Variants in ARHGAP22 observed in about 807,000 individuals in gnomAD.
ARHGAP22 encodes Rho GTPase activating protein 22.
A neutral mutation model predicts 59.1 loss-of-function variants in ARHGAP22; 48 were observed. That is an observed-to-expected ratio of 0.81 (90% CI 0.64 to 1.03). ARHGAP22 has a LOEUF of 1.03. Ranked by LOEUF, ARHGAP22 falls within the 50% of genes least tolerant of loss-of-function variation. The pLI, the probability that ARHGAP22 is intolerant of heterozygous loss-of-function variation, is 0.00. For missense variants in ARHGAP22, 1,015 were observed against 958.7 expected, an observed-to-expected ratio of 1.06 and a Z score of -0.78; for synonymous variants, 445 against 416.4, an observed-to-expected ratio of 1.07 and a Z score of -0.84.
chr10:48,498,335 C>A (rs962621905), intron 3 of ARHGAP22, among the ~76,000 whole-genome samples: 1 of 152,128 alleles, frequency 6.6e-6, no homozygotes, highest in Non-Finnish European at 1.5e-5. Flanking sequence ...TGCTGGCGAA[C>A]AATGAAGGCC....
chr10:48,514,957 A>G (rs1263716248), intron 3 of ARHGAP22, among the ~76,000 whole-genome samples: 2 of 152,194 alleles, frequency 1.3e-5, no homozygotes, highest in Non-Finnish European at 2.9e-5. Flanking sequence ...TGAAGAAACA[A>G]TAAGAGAATT....
intron 1 of ARHGAP22, among the ~76,000 whole-genome samples, chr10:48,589,190 A>G (rs1249193798): frequency 2.0e-5 from 3 of 152,056 alleles, no homozygotes; most frequent in African/African-American, 7.2e-5. Context: ...TCCAACCTGA[A>G]TTGGATCTCA....
At chr10:48,572,791 C>T (rs1052248515) in intron 2 of ARHGAP22, among the ~76,000 whole-genome samples, 65 of 152,246 alleles carry the variant, frequency 4.3e-4, no homozygotes, top group African/African-American at 1.4e-3. Context: ...AATAAGATCT[C>T]CTTTCTAAAT....
rs143492408 is a variant in ARHGAP22 at position 48,601,325 on chromosome 10, T to G, written c.34+3438A>C. On this transcript the variant is annotated intron_variant, in intron 1 of 9. Coordinates refer to ENST00000249601, the MANE Select transcript of ARHGAP22 (RefSeq NM_021226.4). ...TGAGCAGGTATGAGGTCAGTTGACCTCTGGGCTGTGATTCCCTAACCACTT... is the reference window on the plus strand; with the variant it reads ...TGAGCAGGTATGAGGTCAGTTGACCGCTGGGCTGTGATTCCCTAACCACTT... Among the ~76,000 whole-genome samples, 28 of 152,322 alleles carry G rather than the reference T, an allele frequency of 1.8e-4. No homozygotes were observed. In the East Asian group the frequency reaches 2.7e-3, roughly 15 times the overall value.
intron 3 of ARHGAP22, 58 bp downstream of exon 3, chr10:48,555,405 C>A (rs895991348): frequency 1.3e-6 from 2 of 1,547,098 alleles, no homozygotes; most frequent in African/African-American, 1.4e-5. Flanking sequence ...CCTTCCCAGG[C>A]CAGGGGCATG....
intron 1 of ARHGAP22, among the ~76,000 whole-genome samples, chr10:48,636,822 T>G (rs866062419): frequency 3.3e-5 from 5 of 152,174 alleles, no homozygotes; most frequent in Non-Finnish European, 4.4e-5. Context: ...CCCAGAGTGC[T>G]GGGAGGGAAG....
At chr10:48,616,713 T>C (rs2061095035) in intron 1 of ARHGAP22, among the ~76,000 whole-genome samples, 1 of 152,100 alleles carries the variant, frequency 6.6e-6, no homozygotes, top group Non-Finnish European at 1.5e-5. Flanking sequence ...ACCTGTCAAC[T>C]GAATTCAACA....
chr10:48,484,082 T>C (rs1201557844), intron 3 of ARHGAP22, among the ~76,000 whole-genome samples: 1 of 152,232 alleles, frequency 6.6e-6, no homozygotes, highest in Non-Finnish European at 1.5e-5. Context: ...TGGGGTCTAG[T>C]CTCAGTCTTC....
chr10:48,603,459 G>A (rs1365089880), intron 1 of ARHGAP22, among the ~76,000 whole-genome samples: 2 of 151,902 alleles, frequency 1.3e-5, no homozygotes, highest in African/African-American at 4.8e-5. Context: ...AATTATTAAT[G>A]AGATATTGTA....
intron 3 of ARHGAP22, among the ~76,000 whole-genome samples, chr10:48,538,870 A>C (rs1383517866): frequency 6.6e-6 from 1 of 152,208 alleles, no homozygotes; most frequent in Non-Finnish European, 1.5e-5. Context: ...AACACTGGAG[A>C]AGATGACCAC....
chr10:48,437,947 T>A, the ARHGAP22 span: 1 of 152,276 alleles, frequency 6.6e-6, no homozygotes, highest in African/African-American at 2.4e-5. Flanking sequence ...TGTCTGATAG[T>A]GAAATCATCA....
chr10:48,582,899 C>T (rs1045736281), intron 2 of ARHGAP22, 54 bp downstream of exon 2: 22 of 1,594,398 alleles, frequency 1.4e-5, no homozygotes, highest in South Asian at 2.2e-5. Flanking sequence ...ATGGTCTTCC[C>T]TCTTGTGGAG....
intron 1 of ARHGAP22, among the ~76,000 whole-genome samples, chr10:48,629,149 C>A (rs1001341972): frequency 2.6e-5 from 4 of 152,198 alleles, no homozygotes; most frequent in African/African-American, 9.6e-5. Flanking sequence ...CTCAGAGACA[C>A]ACTACCTTCC....
At chr10:48,528,103 G>C (rs2054497632) in intron 3 of ARHGAP22, among the ~76,000 whole-genome samples, 2 of 152,152 alleles carry the variant, frequency 1.3e-5, no homozygotes, top group South Asian at 4.1e-4. Flanking sequence ...CTGTTTCTAG[G>C]GGGTGCTGCT....
intron 3 of ARHGAP22, among the ~76,000 whole-genome samples, chr10:48,512,513 C>G (rs913596559): frequency 1.3e-5 from 2 of 152,228 alleles, no homozygotes; most frequent in African/African-American, 4.8e-5. Flanking sequence ...CAAAACAATA[C>G]TGGTCTCATC....
Position 48,450,276 on chromosome 10 carries a change from T to A in ARHGAP22, c.1853A>T (p.Glu618Val). The A allele has an allele frequency of 1.2e-6, 2 of 1,609,866 alleles. No homozygotes were observed. The highest frequency in any genetic ancestry group is 1.7e-6 in the Non-Finnish European group (2 of 1,178,660). ...AGCAAGTTACCTTTTCACACTCCTCTCGTACTCAGTCCGCTGGCGGCACAG... is the reference window on the plus strand; with the variant it reads ...AGCAAGTTACCTTTTCACACTCCTCACGTACTCAGTCCGCTGGCGGCACAG... The part of the protein sequence containing the change: ...AELCRQRTEY[E>V]RSVKRIEEGS... Residue 618 changes from glutamate (E) to valine (V), a missense_variant, in exon 9 of 10, where the codon GAG becomes GTG. Glu to Val is a moderately radical substitution (Grantham distance 121). Coordinates refer to ENST00000249601, the MANE Select transcript of ARHGAP22 (RefSeq NM_021226.4).
At chr10:48,464,970 CCG>C (rs974739279) in intron 4 of ARHGAP22, among the ~76,000 whole-genome samples, 26 of 151,810 alleles carry the variant, frequency 1.7e-4, no homozygotes, top group African/African-American at 6.3e-4. Flanking sequence ...GCTTCCTTCC[CCG>C]CGGCCCTCCT....
the ARHGAP22 span, chr10:48,430,990 T>G: frequency 1.7e-6 from 1 of 593,758 alleles, no homozygotes; most frequent in Admixed American, 3.1e-5. Context: ...AGTACTTCCT[T>G]TTAATATGAT....
At chr10:48,511,926 C>T (rs1353409675) in intron 3 of ARHGAP22, among the ~76,000 whole-genome samples, 1 of 152,190 alleles carries the variant, frequency 6.6e-6, no homozygotes, top group African/African-American at 2.4e-5. Flanking sequence ...AGTCCCTGGC[C>T]ACCTCCCCCA....
Sources: gnomAD v4.1 joint callset for allele counts (sites outside exome capture counted in the v4.1 genomes callset) on GRCh38, gnomAD v4.1.1 for gene constraint, MANE v1.5 for transcripts, NCBI Gene and HGNC (gene_info 2026-07-23, HGNC 2026-07-21) for gene names.